Variants in TRPM1 observed in about 807,000 individuals in gnomAD.
The protein encoded by TRPM1 is TRPM1-203 APA Isoform, Intron 10.
TRPM1 carries 113 observed loss-of-function variants against 149.4 expected under a neutral mutation model. The ratio of observed to expected loss-of-function variants is 0.76; its 90% CI spans 0.65 to 0.88. TRPM1 has a LOEUF of 0.88. TRPM1 is among the 40% of genes least tolerant of loss of function. The pLI, the probability that TRPM1 is intolerant of heterozygous loss-of-function variation, is 0.00. For missense variants in TRPM1, 1,976 were observed against 2,038.7 expected (o/e 0.97, Z 0.59); for synonymous variants, 741 against 759.5 (o/e 0.98, Z 0.40).
In TRPM1 at chr15:31,001,783, TCTGA is replaced by T. The variant is rs766419313; in HGVS notation, c.*35_*38del. The T allele has an allele frequency of 2.0e-4, 314 of 1,596,152 alleles. No homozygotes were observed. The highest frequency in any genetic ancestry group is 2.6e-4 in the Non-Finnish European group (304 of 1,175,888). ...GGCCAAGATGACACCCATTAGTGGT[TCTGA>T]CTGTTAAAAAAAAAAATTAAAGAAA... is the stretch of plus-strand genomic sequence containing the variant. On this transcript the variant is annotated 3_prime_UTR_variant, in exon 28 of 28. Transcript: ENST00000256552.
At chr15:31,005,012 G>A (rs192342967) in intron 27 of TRPM1, among the ~76,000 whole-genome samples, 1 of 152,062 alleles carries the variant, frequency 6.6e-6, no homozygotes, top group Non-Finnish European at 1.5e-5. Flanking sequence ...TGAGGCACGA[G>A]AATTGCTTGC....
chr15:31,098,365 G>A (rs1018116120), intron 1 of TRPM1, among the ~76,000 whole-genome samples: 1 of 152,172 alleles, frequency 6.6e-6, no homozygotes, highest in Non-Finnish European at 1.5e-5. Context: ...GGGAGGCGGA[G>A]GTTGCGGTGA....
intron 1 of TRPM1, among the ~76,000 whole-genome samples, chr15:31,153,771 G>A (rs1040978693): frequency 6.6e-6 from 1 of 152,182 alleles, no homozygotes. Context: ...GCCACATGTT[G>A]TCAGGAGCTC....
At chr15:31,015,145 C>T (rs147336594) in intron 27 of TRPM1, among the ~76,000 whole-genome samples, 4 of 67,322 alleles carry the variant, frequency 5.9e-5, no homozygotes, top group East Asian at 4.4e-4. Flanking sequence ...CGGTGGCTCA[C>T]GCCTGTAATC....
intron 1 of TRPM1, among the ~76,000 whole-genome samples, chr15:31,109,334 A>T: frequency 9.9e-5 from 3 of 30,418 alleles, no homozygotes; most frequent in Admixed American, 3.2e-4. Flanking sequence ...ACTCTGCCTC[A>T]AAAAAAAAAA....
rs189380443 is a variant in TRPM1 at position 31,121,203 on chromosome 15, C to T, written c.54+39703G>A. 2.0e-3 allele frequency among the ~76,000 whole-genome samples: 241 copies of T among 120,460 alleles called. 3 individuals carry two copies. The highest frequency in any genetic ancestry group is 7.5e-3 in the African/African-American group (229 of 30,622). The allele number at this position is 120,460 out of a possible 152,430, so 79.0% of individuals were successfully genotyped here. On this transcript the variant is annotated intron_variant, in intron 1 of 26. Transcript: ENST00000542188. ...ATGTGCCACTACACTCTGACCTGGG[C>T]GCAGAGCAAGACTCCATCTCAAAAA...
At chr15:31,122,626 G>T (rs1339669112) in intron 1 of TRPM1, among the ~76,000 whole-genome samples, 1 of 152,160 alleles carries the variant, frequency 6.6e-6, no homozygotes, top group African/African-American at 2.4e-5. Flanking sequence ...AACAAAATAT[G>T]TCCAAGATAA....
intron 1 of TRPM1, among the ~76,000 whole-genome samples, chr15:31,128,489 G>A (rs2141040802): frequency 6.6e-6 from 1 of 152,314 alleles, no homozygotes; most frequent in East Asian, 1.9e-4. Flanking sequence ...ATATCGCCAG[G>A]AGGGTGCCCA....
At chr15:31,009,927 A>T (rs1276116379) in intron 27 of TRPM1, among the ~76,000 whole-genome samples, 1 of 152,126 alleles carries the variant, frequency 6.6e-6, no homozygotes, top group Non-Finnish European at 1.5e-5. Context: ...CTAGTTTTCT[A>T]TTAGTTTCCA....
intron 3 of TRPM1, among the ~76,000 whole-genome samples, chr15:31,076,689 C>T (rs1442735505): frequency 2.0e-5 from 3 of 152,102 alleles, no homozygotes; most frequent in Non-Finnish European, 4.4e-5. Context: ...TATGAGAGTT[C>T]GCATTAGGGT....
intron 7 of TRPM1, among the ~76,000 whole-genome samples, chr15:31,064,838 G>T (rs2034325292): frequency 6.6e-6 from 1 of 152,136 alleles, no homozygotes; most frequent in Non-Finnish European, 1.5e-5. Flanking sequence ...TGCATTGAGG[G>T]TCTGCTTTGT....
intron 12 of TRPM1, 78 bp from the exon 13 acceptor site, chr15:31,049,587 G>A: frequency 6.4e-7 from 1 of 1,556,278 alleles, no homozygotes; most frequent in Non-Finnish European, 8.8e-7. Context: ...AAACACAGAG[G>A]AAAGGGTATT....
intron 11 of TRPM1, among the ~76,000 whole-genome samples, chr15:31,059,458 T>C (rs1427933237): frequency 2.0e-5 from 3 of 152,188 alleles, no homozygotes; most frequent in Admixed American, 6.5e-5. Context: ...CAGGCTGTAG[T>C]GTAGTGGTGC....
chr15:31,122,596 G>C (rs932956104), intron 1 of TRPM1, among the ~76,000 whole-genome samples: 7 of 152,150 alleles, frequency 4.6e-5, no homozygotes, highest in African/African-American at 1.4e-4. Flanking sequence ...CCAAACAATA[G>C]AGTACTTAGT....
At chr15:31,024,806 T>A (rs1174060693) in intron 27 of TRPM1, among the ~76,000 whole-genome samples, 1 of 152,268 alleles carries the variant, frequency 6.6e-6, no homozygotes, top group African/African-American at 2.4e-5. Flanking sequence ...AAATAATTTT[T>A]ATACCTTGAA....
At chr15:31,081,520 C>T (rs1338795948) in intron 1 of TRPM1, 82 bp from the exon 2 acceptor site, 2 of 914,164 alleles carry the variant, frequency 2.2e-6, no homozygotes, top group Non-Finnish European at 3.3e-6. Flanking sequence ...ATCCTGCCCT[C>T]CCTTTGTTCC....
At chr15:31,138,348 C>A (rs2036117357) in intron 1 of TRPM1, among the ~76,000 whole-genome samples, 1 of 152,014 alleles carries the variant, frequency 6.6e-6, no homozygotes, top group Non-Finnish European at 1.5e-5. Flanking sequence ...CTCCAGTTAT[C>A]CAGTCTGAGT....
intron 5 of TRPM1, among the ~76,000 whole-genome samples, 163 bp downstream of exon 5, chr15:31,067,716 A>G (rs2034418908): frequency 6.6e-6 from 1 of 152,172 alleles, no homozygotes; most frequent in African/African-American, 2.4e-5. Flanking sequence ...GAGTCATATC[A>G]AAGTAAAAAA....
rs976409198 is a variant in TRPM1, at chr15:31,091,053, A to G, written c.-83-9615T>C. The stretch of plus-strand genomic sequence containing the variant: ...GTTTCTTAAGCATTAGCTGATAAAA[A>G]AAAGTGCAACGAGGGTAATAGTTCT... On this transcript the variant is annotated intron_variant, in intron 1 of 27. Coordinates refer to ENST00000256552, the MANE Select transcript of TRPM1 (RefSeq NM_001252024.2). Among the ~76,000 whole-genome samples, 34 of 152,360 alleles carry G rather than the reference A, an allele frequency of 2.2e-4. No individual in the cohort carries two copies. The East Asian group carries it at 6.2e-3, about 28-fold the overall frequency.
Sources: gnomAD v4.1 joint callset for allele counts (sites outside exome capture counted in the v4.1 genomes callset) on GRCh38, gnomAD v4.1.1 for gene constraint, MANE v1.5 for transcripts, NCBI Gene and HGNC (gene_info 2026-07-23, HGNC 2026-07-21) for gene names.